Variants in SELP observed in about 807,000 individuals in gnomAD.
The protein encoded by SELP is P-selectin.
SELP carries 92 observed loss-of-function variants against 104.1 expected under a neutral mutation model. The ratio of observed to expected loss-of-function variants is 0.88; its 90% confidence interval spans 0.75 to 1.05. The LOEUF (loss-of-function observed/expected upper bound fraction) is 1.05, where lower values mean the gene tolerates loss of function less well. Ranked by LOEUF, SELP falls within the 50% of genes least tolerant of loss-of-function variation. The probability of loss-of-function intolerance (pLI) is 0.00; values close to 1 mark genes in which losing one functional copy is unlikely to be tolerated. For missense variants in SELP, 1,022 were observed against 1,017.3 expected (o/e 1.00, Z -0.06); for synonymous variants, 397 against 364.5 (o/e 1.09, Z -1.01).
chr1:169,590,703 C>T (rs1006234954), intron 15 of SELP, among the ~76,000 whole-genome samples: 3 of 152,162 alleles, frequency 2.0e-5, no homozygotes, highest in African/African-American at 7.2e-5. Flanking sequence ...AGATATCCAG[C>T]ACCCCTGCCT....
rs979634081 is a variant in SELP at position 169,588,966 on chromosome 1, C to T, written c.*497G>A. The T allele has an allele frequency of 6.6e-6, 1 of 152,118 alleles. No individual in the cohort carries two copies. The highest frequency in any genetic ancestry group is 1.5e-5 in the Non-Finnish European group (1 of 68,024). 9.4% of individuals were successfully genotyped at this position (152,118 alleles called of 1,614,324 possible). ...TGTGGCCTTCTAGCTTGATTCTTGG[C>T]CTTCTGCAGCCTCTGGTGCCATCCA... On this transcript the variant is annotated 3_prime_UTR_variant, in exon 17 of 17. Coordinates refer to ENST00000263686, the MANE Select transcript of SELP (RefSeq NM_003005.4).
chr1:169,590,232 A>AAT, intron 15 of SELP, 30 bp from the exon 16 acceptor site: 1 of 1,547,624 alleles, frequency 6.5e-7, no homozygotes, highest in South Asian at 1.1e-5. Context: ...GGATGGCAAC[A>AAT]ATATACTGCT....
chr1:169,629,889 G>T (rs1663551051), intron 1 of SELP, among the ~76,000 whole-genome samples, 183 bp downstream of exon 1: 1 of 152,160 alleles, frequency 6.6e-6, no homozygotes, highest in Non-Finnish European at 1.5e-5. Flanking sequence ...AACTCACAAG[G>T]GTGTTGGGAG....
chr1:169,593,454 A>T (rs896079491), intron 14 of SELP, 151 bp downstream of exon 14: 4 of 605,854 alleles, frequency 6.6e-6, no homozygotes, highest in Non-Finnish European at 1.1e-5. Context: ...TCTCAAGATC[A>T]CTTATCTTGG....
chr1:169,598,268 G>T (rs376956490), intron 10 of SELP, among the ~76,000 whole-genome samples: 1 of 152,266 alleles, frequency 6.6e-6, no homozygotes, highest in African/African-American at 2.4e-5. Flanking sequence ...ATAGACAAAT[G>T]AAGTGACTAT....
intron 3 of SELP, 32 bp from the exon 4 acceptor site, chr1:169,613,725 A>G (rs1662668631): frequency 1.3e-6 from 2 of 1,569,570 alleles, no homozygotes; most frequent in African/African-American, 2.7e-5. Context: ...AGAGTCATGG[A>G]CATTCACAGA....
In SELP at chr1:169,609,602, C is replaced by T. The variant is rs756892214; in HGVS notation, c.1235G>A (p.Cys412Tyr). The change falls in exon 8 of 17, where the codon TGT becomes TAT. Residue 412 changes from cysteine to tyrosine, a missense_variant. Physicochemically the swap from Cys to Tyr is radical, Grantham distance 194. Coordinates refer to ENST00000263686, the MANE Select transcript of SELP (RefSeq NM_003005.4). ...SLRAFQYDTN[C>Y]SFRCAEGFML... ...GAAACCTTCAGCACAGCGGAAGCTA[C>T]AGTTGGTGTCATACTGAAACGCTCT... 2.0e-5 allele frequency: 32 copies of T among 1,613,938 alleles called. No homozygotes were observed. In the Admixed American group the frequency reaches 4.0e-4, roughly 20 times the overall value.
At chr1:169,592,049 C>T (rs1242052277) in intron 14 of SELP, among the ~76,000 whole-genome samples, 1 of 152,200 alleles carries the variant, frequency 6.6e-6, no homozygotes, top group Non-Finnish European at 1.5e-5. Flanking sequence ...GGAAATGTCT[C>T]AAAGTCAAAG....
intron 8 of SELP, among the ~76,000 whole-genome samples, chr1:169,607,639 C>T (rs959384978): frequency 3.3e-5 from 5 of 152,100 alleles, no homozygotes; most frequent in Non-Finnish European, 5.9e-5. Flanking sequence ...TTATAATATA[C>T]ACCATGATCT....
At chr1:169,605,894 GA>G (rs1159123664) in intron 9 of SELP, among the ~76,000 whole-genome samples, 1 of 152,164 alleles carries the variant, frequency 6.6e-6, no homozygotes, top group East Asian at 1.9e-4. Flanking sequence ...TGGATACATT[GA>G]GGGGGAAAAA....
chr1:169,618,237 C>A (rs1032216927), intron 2 of SELP, among the ~76,000 whole-genome samples: 1 of 152,172 alleles, frequency 6.6e-6, no homozygotes, highest in Non-Finnish European at 1.5e-5. Context: ...AGGTTTGTGG[C>A]AGAACCCGGG....
At chr1:169,607,174 C>T (rs1201061135) in intron 8 of SELP, 40 bp from the exon 9 acceptor site, 2 of 1,457,090 alleles carry the variant, frequency 1.4e-6, no homozygotes, top group South Asian at 1.5e-5. Flanking sequence ...AACAGTAATA[C>T]ACATGTACTC....
At chr1:169,614,603 C>T (rs1418640611) in intron 3 of SELP, among the ~76,000 whole-genome samples, 4 of 152,088 alleles carry the variant, frequency 2.6e-5, no homozygotes, top group African/African-American at 7.2e-5. Context: ...TGTCTTAAGC[C>T]CTGTCCACAT....
Position 169,612,261 on chromosome 1 carries a change from C to CATTG in SELP, c.913_916dup (p.Cys306SerfsTer16). 6.2e-7 allele frequency: 1 copy of CATTG among 1,614,144 alleles called. No individual in the cohort carries two copies. The highest frequency in any genetic ancestry group is 8.5e-7 in the Non-Finnish European group (1 of 1,180,010). ...GGCTGTCCATACCCCCGAGGCTGTG[C>CATTG]ATTGCACCACTTCCGGTCCAACTAA... On this transcript the variant is annotated frameshift_variant, in exon 6 of 17. Coordinates refer to ENST00000263686, the MANE Select transcript of SELP (RefSeq NM_003005.4). LOFTEE classifies it high-confidence loss of function.
intron 3 of SELP, 31 bp downstream of exon 3, chr1:169,616,997 C>G (rs765045540): frequency 1.4e-6 from 2 of 1,480,912 alleles, no homozygotes; most frequent in Non-Finnish European, 1.8e-6. Context: ...TTTTTTTTAA[C>G]AGGAAAGTTT....
intron 3 of SELP, among the ~76,000 whole-genome samples, chr1:169,616,721 G>T (rs1662830594): frequency 6.6e-6 from 1 of 152,142 alleles, no homozygotes; most frequent in Non-Finnish European, 1.5e-5. Context: ...TCCTCACTTT[G>T]CTTCTGTCCT....
In SELP at chr1:169,596,021, A is replaced by G. The variant is rs759995966; in HGVS notation, c.2005T>C (p.Tyr669His). The G allele has an allele frequency of 9.3e-6, 15 of 1,613,848 alleles. No individual in the cohort carries two copies. The highest frequency in any genetic ancestry group is 1.3e-5 in the Non-Finnish European group (15 of 1,179,868). The change falls in exon 12 of 17, where the codon TAC becomes CAC. Residue 669 changes from tyrosine to histidine, a missense_variant. Transcript: ENST00000263686. ...PGTFGFNTTC[Y>H]FGCNAGFTLI... Reference sequence around the variant, plus strand: ...GTGAATCCAGCGTTGCAGCCAAAGTAACAAGTGGTATTAAAACCAAAGGTT... The same window carrying G: ...GTGAATCCAGCGTTGCAGCCAAAGTGACAAGTGGTATTAAAACCAAAGGTT...
chr1:169,610,359 G>A (rs912070526), intron 7 of SELP, among the ~76,000 whole-genome samples: 1 of 152,114 alleles, frequency 6.6e-6, no homozygotes, highest in Non-Finnish European at 1.5e-5. Context: ...AGTGACCTCA[G>A]TTCTGATAAA....
Position 169,594,881 on chromosome 1 carries a change from C to T in SELP, c.2102-4G>A, listed in dbSNP as rs767586113. ...TGTAGTTCTGAGCATTTCACAGCTG[C>T]AGAAAAGAAATAATGCAAGAGAAAC... On this transcript the variant is annotated splice_polypyrimidine_tract_variant and splice_region_variant and intron_variant, in intron 12 of 16. Coordinates refer to ENST00000263686, the MANE Select transcript of SELP (RefSeq NM_003005.4). 1.2e-6 allele frequency: 2 copies of T among 1,606,554 alleles called. No homozygotes were observed. Among genetic ancestry groups the T allele is most frequent in the South Asian group, 1.1e-5 (1 of 90,308 alleles).
Sources: allele counts gnomAD v4.1 joint callset (sites outside exome capture counted in the v4.1 genomes callset), GRCh38; gene constraint gnomAD v4.1.1; transcripts MANE v1.5; gene names NCBI Gene and HGNC (gene_info 2026-07-23, HGNC 2026-07-21).